The following MORN5 variants were observed in gnomAD, a reference collection of about 807,000 sequenced individuals.
MORN5 encodes the protein MORN repeat-containing protein 5.
In MORN5, 21 loss-of-function variants were observed where a neutral mutation model predicts 22.1. That is an observed-to-expected ratio of 0.95 (90% CI 0.67 to 1.37). MORN5 has a LOEUF of 1.37. MORN5 is among the 40% of genes most tolerant of loss of function. The probability of loss-of-function intolerance (pLI) is 0.00; values close to 1 mark genes in which losing one functional copy is unlikely to be tolerated. For synonymous variants in MORN5, 73 were observed against 74.0 expected (o/e 0.99, Z 0.07); for missense variants, 211 against 215.1 (o/e 0.98, Z 0.12).
intron 2 of MORN5, among the ~76,000 whole-genome samples, chr9:122,167,170 C>G (rs529002326): frequency 6.6e-6 from 1 of 151,030 alleles, no homozygotes; most frequent in African/African-American, 2.4e-5. Context: ...GCCTCAGCCT[C>G]CCGAGTAGCT....
chr9:122,195,066 C>A (rs1829858096), intron 4 of MORN5, among the ~76,000 whole-genome samples: 1 of 150,936 alleles, frequency 6.6e-6, no homozygotes, highest in Admixed American at 6.6e-5. Flanking sequence ...AAATTGTGAT[C>A]TGAGGGGACC....
chr9:122,179,171 A>G (rs1346853558), intron 4 of MORN5, among the ~76,000 whole-genome samples: 1 of 152,182 alleles, frequency 6.6e-6, no homozygotes, highest in Non-Finnish European at 1.5e-5. Context: ...ACATGTCATA[A>G]ATAGGGAGCT....
chr9:122,194,839 G>A (rs1829850725), intron 4 of MORN5, among the ~76,000 whole-genome samples: 1 of 152,120 alleles, frequency 6.6e-6, no homozygotes, highest in East Asian at 1.9e-4. Context: ...GGCCAACATG[G>A]TGAAACCCCA....
At chr9:122,177,037 G>A (rs1236258019) in intron 4 of MORN5, among the ~76,000 whole-genome samples, 1 of 152,240 alleles carries the variant, frequency 6.6e-6, no homozygotes, top group Non-Finnish European at 1.5e-5. Context: ...ATTAGGTTGT[G>A]AGAACCTAGA....
At chr9:122,169,243 TC>T (rs1451523719) in intron 2 of MORN5, among the ~76,000 whole-genome samples, 10 of 152,224 alleles carry the variant, frequency 6.6e-5, no homozygotes, top group African/African-American at 2.2e-4. Flanking sequence ...TATCTGGGCA[TC>T]CCTTTCACTT....
intron 4 of MORN5, among the ~76,000 whole-genome samples, chr9:122,180,445 C>T (rs1829520874): frequency 1.3e-5 from 2 of 151,966 alleles, no homozygotes; most frequent in Admixed American, 6.6e-5. Flanking sequence ...ACCACCACAC[C>T]GAGCTAATTT....
intron 1 of MORN5, among the ~76,000 whole-genome samples, chr9:122,163,476 G>A (rs1044136342): frequency 4.6e-5 from 7 of 152,216 alleles, no homozygotes; most frequent in Middle Eastern, 3.2e-3. Flanking sequence ...TAAAGGCTTC[G>A]TGGAAGAGAT....
intron 4 of MORN5, among the ~76,000 whole-genome samples, chr9:122,192,694 A>G (rs187300560): frequency 3.3e-4 from 51 of 152,318 alleles, no homozygotes; most frequent in Admixed American, 2.9e-3. Context: ...GAGTGGGGTT[A>G]GTGCCCAGGT....
At chr9:122,162,368 A>C (rs1400946570) in intron 1 of MORN5, among the ~76,000 whole-genome samples, 1 of 152,212 alleles carries the variant, frequency 6.6e-6, no homozygotes, top group Non-Finnish European at 1.5e-5. Context: ...TGGTTTAAAA[A>C]GTTTATGTAG....
Position 122,174,608 on chromosome 9 carries a change from C to A in MORN5, c.420C>A (p.Asn140Lys), listed in dbSNP as rs776983602. 6.2e-7 allele frequency: 1 copy of A among 1,614,114 alleles called. No homozygotes were observed. Among genetic ancestry groups the A allele is most frequent in the Non-Finnish European group, 8.5e-7 (1 of 1,180,008 alleles). Residue 140 changes from asparagine to lysine, a missense_variant, in exon 4 of 5, where the codon AAC (asparagine) becomes AAA (lysine). By Grantham distance (94) the Asn-to-Lys change is moderately conservative (BLOSUM62 0). Coordinates refer to ENST00000373764, the MANE Select transcript of MORN5 (RefSeq NM_198469.4). ...PVTRVVKDYRNRFLRNADDDE... is the reference protein window; with the variant it reads ...PVTRVVKDYRKRFLRNADDDE... ...CGAGGGTAGTCAAGGACTATAGGAA[C>A]CGCTTTCTAAGAAACGCAGGTAGGT...
chr9:122,192,916 A>G (rs1039181734), intron 4 of MORN5, among the ~76,000 whole-genome samples: 3 of 152,128 alleles, frequency 2.0e-5, no homozygotes, highest in African/African-American at 7.2e-5. Flanking sequence ...ATGTCCCCAA[A>G]TTTACATTTC....
At chr9:122,190,967 T>C (rs1042852799) in intron 4 of MORN5, among the ~76,000 whole-genome samples, 2 of 152,226 alleles carry the variant, frequency 1.3e-5, no homozygotes, top group Non-Finnish European at 2.9e-5. Flanking sequence ...TGCTTTGCAG[T>C]GCACCCCCCA....
intron 4 of MORN5, among the ~76,000 whole-genome samples, chr9:122,187,516 C>T (rs1038977316): frequency 1.3e-5 from 2 of 152,170 alleles, no homozygotes; most frequent in African/African-American, 2.4e-5. Context: ...GGCCTGGCCC[C>T]CACCAAAACC....
chr9:122,164,977 C>A (rs1829253768), intron 1 of MORN5, among the ~76,000 whole-genome samples: 1 of 152,122 alleles, frequency 6.6e-6, no homozygotes, highest in Non-Finnish European at 1.5e-5. Context: ...CTTAATGGTT[C>A]TAGGAGCTGA....
chr9:122,168,072 T>C (rs1829313402), intron 2 of MORN5, among the ~76,000 whole-genome samples: 1 of 152,246 alleles, frequency 6.6e-6, no homozygotes, highest in Non-Finnish European at 1.5e-5. Flanking sequence ...ATCCTTCATT[T>C]AATTGCATCT....
At chr9:122,183,899 C>A (rs1436240748) in intron 4 of MORN5, among the ~76,000 whole-genome samples, 1 of 152,184 alleles carries the variant, frequency 6.6e-6, no homozygotes, top group African/African-American at 2.4e-5. Flanking sequence ...TGCATTTGAA[C>A]CTGTGGGTTC....
chr9:122,165,395 C>CAAAAAAAAAAAAA (rs59306308), intron 1 of MORN5, among the ~76,000 whole-genome samples: 1 of 82,998 alleles, frequency 1.2e-5, no homozygotes. Flanking sequence ...CCCGTCTCTA[C>CAAAAAAAAAAAAA]AAAAAAAAAA....
At chr9:122,175,465 A>G (rs1255482606) in intron 4 of MORN5, 3 of 985,236 alleles carry the variant, frequency 3.0e-6, no homozygotes, top group Non-Finnish European at 2.4e-6. Context: ...CACAAATAAT[A>G]GAACATTTTC....
intron 3 of MORN5, among the ~76,000 whole-genome samples, chr9:122,170,915 G>A (rs1020010352): frequency 1.2e-4 from 19 of 152,164 alleles, no homozygotes; most frequent in African/African-American, 2.4e-4. Flanking sequence ...ACCATGGCAC[G>A]TGTATACCTA....
Sources: allele counts gnomAD v4.1 joint callset (sites outside exome capture counted in the v4.1 genomes callset), GRCh38; gene constraint gnomAD v4.1.1; transcripts MANE v1.5; gene names NCBI Gene and HGNC (gene_info 2026-07-23, HGNC 2026-07-21).